The following RAB27B variants were observed in gnomAD, a reference collection of about 807,000 sequenced individuals.
RAB27B encodes RAB27B, member RAS oncogene family.
A neutral mutation model predicts 24.6 loss-of-function variants in RAB27B; 15 were observed. The ratio of observed to expected loss-of-function variants is 0.61; its 90% CI spans 0.41 to 0.94. The LOEUF is 0.94. Ranked by LOEUF, RAB27B falls within the 40% of genes least tolerant of loss-of-function variation. The pLI is 0.00. For synonymous variants in RAB27B, 105 were observed against 92.5 expected, an observed-to-expected ratio of 1.14 and a Z score of -0.78; for missense variants, 261 against 266.8, an observed-to-expected ratio of 0.98 and a Z score of 0.15.
At chr18:54,786,718 C>T (rs1039682523) in intron 2 of RAB27B, among the ~76,000 whole-genome samples, 4 of 152,174 alleles carry the variant, frequency 2.6e-5, no homozygotes, top group South Asian at 2.1e-4. Flanking sequence ...CACTATGAAA[C>T]CTAAATGTTC....
intron 2 of RAB27B, among the ~76,000 whole-genome samples, chr18:54,814,845 G>GCT (rs1910073758): frequency 6.6e-6 from 1 of 152,114 alleles, no homozygotes; most frequent in Non-Finnish European, 1.5e-5. Context: ...ACTGAATGAG[G>GCT]CTATGTTCAT....
chr18:54,780,534 C>T (rs892606176), intron 2 of RAB27B, among the ~76,000 whole-genome samples: 1 of 152,160 alleles, frequency 6.6e-6, no homozygotes, highest in African/African-American at 2.4e-5. Context: ...GCTTCCCCCT[C>T]ACTGTGTCCT....
chr18:54,788,333 C>A (rs1909152692), intron 2 of RAB27B, among the ~76,000 whole-genome samples: 1 of 152,178 alleles, frequency 6.6e-6, no homozygotes. Flanking sequence ...GAGAGAGTCT[C>A]ACTCTGTCAC....
chr18:54,858,523 A>G (rs1911879837), intron 1 of RAB27B, among the ~76,000 whole-genome samples: 1 of 151,788 alleles, frequency 6.6e-6, no homozygotes, highest in South Asian at 2.1e-4. Flanking sequence ...AGCTGGGACT[A>G]CAGGTGCCTG....
intron 2 of RAB27B, among the ~76,000 whole-genome samples, chr18:54,794,059 A>G (rs974380078): frequency 2.6e-5 from 4 of 152,170 alleles, no homozygotes; most frequent in African/African-American, 9.7e-5. Context: ...AACCAACCTG[A>G]TTGGCTTTGC....
rs372657685 is a variant in RAB27B, at chr18:54,831,546, G to A, written c.-20+2846G>A. 1.3e-3 allele frequency among the ~76,000 whole-genome samples: 204 copies of A among 152,152 alleles called. 5 individuals are homozygous for A. The South Asian group carries it at 0.035, about 26-fold the overall frequency. ...GAGCATACTATGAACTTTAATATTC[G>A]TCTAAGCCCTGTGGATAACAGATGT... On this transcript the variant is annotated intron_variant, in intron 1 of 5. Coordinates refer to ENST00000262094, the MANE Select transcript of RAB27B (RefSeq NM_004163.4).
intron 1 of RAB27B, among the ~76,000 whole-genome samples, chr18:54,855,246 T>C (rs1911735682): frequency 1.3e-5 from 2 of 152,178 alleles, no homozygotes; most frequent in South Asian, 4.1e-4. Context: ...ATTTGAGCCA[T>C]GGGGAGCAGA....
chr18:54,728,924 C>CAAAAAAAAAAAAAAAAAAAAAAA (rs1568044243), intron 2 of RAB27B, among the ~76,000 whole-genome samples: 2 of 32,556 alleles, frequency 6.1e-5, no homozygotes, highest in African/African-American at 1.0e-4. Context: ...AAAAAAAAAA[C>CAAAAAAAAAAAAAAAAAAAAAAA]CACCACCAAA....
chr18:54,803,126 GA>G (rs896846169), intron 2 of RAB27B, among the ~76,000 whole-genome samples: 1 of 151,996 alleles, frequency 6.6e-6, no homozygotes, highest in Non-Finnish European at 1.5e-5. Flanking sequence ...ATTAAGCAAG[GA>G]AAAAAATAAA....
intron 1 of RAB27B, among the ~76,000 whole-genome samples, chr18:54,842,315 G>GAGAT (rs1177002324): frequency 3.3e-5 from 5 of 151,776 alleles, no homozygotes; most frequent in Admixed American, 6.6e-5. Context: ...GATATTCTTA[G>GAGAT]AATTTATGGG....
chr18:54,765,577 G>A (rs1908335399), intron 2 of RAB27B, among the ~76,000 whole-genome samples: 1 of 152,092 alleles, frequency 6.6e-6, no homozygotes, highest in African/African-American at 2.4e-5. Context: ...GCCTTCATTT[G>A]TACCTTATGG....
At chr18:54,726,316 T>C (rs1909535557) in intron 2 of RAB27B, among the ~76,000 whole-genome samples, 1 of 151,494 alleles carries the variant, frequency 6.6e-6, no homozygotes, top group Non-Finnish European at 1.5e-5. Context: ...ACGACAACAT[T>C]AAGAAAAAGT....
intron 4 of RAB27B, among the ~76,000 whole-genome samples, chr18:54,884,680 G>A (rs2145286960): frequency 6.6e-6 from 1 of 152,234 alleles, no homozygotes; most frequent in South Asian, 2.1e-4. Context: ...AGCCTATGTA[G>A]CTTTATCACC....
At chr18:54,724,698 AAAAC>A (rs775152373) in intron 2 of RAB27B, among the ~76,000 whole-genome samples, 1 of 151,558 alleles carries the variant, frequency 6.6e-6, no homozygotes, top group African/African-American at 2.4e-5. Context: ...ATCAAAAACA[AAAAC>A]AAACAAACAA....
intron 2 of RAB27B, among the ~76,000 whole-genome samples, chr18:54,786,169 G>C (rs12962635): frequency 0.41 from 62,384 of 151,848 alleles, 13,044 homozygotes; most frequent in South Asian, 0.52. Flanking sequence ...ATGTCTGTTA[G>C]TGAAATGTCT....
intron 1 of RAB27B, among the ~76,000 whole-genome samples, chr18:54,857,848 A>G (rs1245161786): frequency 2.0e-5 from 3 of 152,222 alleles, no homozygotes; most frequent in Non-Finnish European, 4.4e-5. Context: ...CCTTATACTC[A>G]TTCCTCCTAT....
chr18:54,818,446 A>G (rs1910187791), intron 2 of RAB27B, among the ~76,000 whole-genome samples: 1 of 152,152 alleles, frequency 6.6e-6, no homozygotes, highest in South Asian at 2.1e-4. Flanking sequence ...CACTTTGCTT[A>G]TACAAATGAT....
At chr18:54,833,234 C>CTTTTTTTTTTTTTTTTTTTT (rs559070445) in intron 1 of RAB27B, among the ~76,000 whole-genome samples, 3 of 129,514 alleles carry the variant, frequency 2.3e-5, no homozygotes, top group Non-Finnish European at 4.8e-5. Flanking sequence ...TTCTTTCTTT[C>CTTTTTTTTTTTTTTTTTTTT]TTTTTTTTTT....
At chr18:54,805,349 A>G (rs1487222560) in intron 2 of RAB27B, among the ~76,000 whole-genome samples, 4 of 152,100 alleles carry the variant, frequency 2.6e-5, no homozygotes, top group Admixed American at 2.0e-4. Flanking sequence ...CTGGGTCTGG[A>G]TCTCTTTTCC....
Sources: allele counts gnomAD v4.1 joint callset (sites outside exome capture counted in the v4.1 genomes callset), GRCh38; gene constraint gnomAD v4.1.1; transcripts MANE v1.5; gene names NCBI Gene and HGNC (gene_info 2026-07-23, HGNC 2026-07-21).